Variants in GRIP1 observed in about 807,000 individuals in gnomAD.
GRIP1 encodes the protein glutamate receptor-interacting protein 1.
In GRIP1, 45 loss-of-function variants were observed where a neutral mutation model predicts 129.9. That is an observed-to-expected ratio of 0.35 (90% CI 0.27 to 0.44). The LOEUF is 0.44. GRIP1 is among the 20% of genes least tolerant of loss of function. The pLI is 1.00. For missense variants in GRIP1, 1,196 were observed against 1,396.8 expected (o/e 0.86, Z 2.29); for synonymous variants, 530 against 520.8 (o/e 1.02, Z -0.24).
intron 1 of GRIP1, among the ~76,000 whole-genome samples, chr12:66,958,287 A>C (rs1224263242): frequency 6.6e-6 from 1 of 152,046 alleles, no homozygotes; most frequent in Non-Finnish European, 1.5e-5. Context: ...GTACAGGCAA[A>C]CACCACCACA....
At chr12:66,573,524 G>A (rs2139524665) in intron 2 of GRIP1, among the ~76,000 whole-genome samples, 1 of 152,206 alleles carries the variant, frequency 6.6e-6, no homozygotes, top group Non-Finnish European at 1.5e-5. Context: ...TCACACAATG[G>A]GAAAACTGAA....
intron 1 of GRIP1, among the ~76,000 whole-genome samples, chr12:66,860,713 T>C (rs2040096608): frequency 6.6e-6 from 1 of 152,024 alleles, no homozygotes; most frequent in Admixed American, 6.6e-5. Context: ...CATCTCAAAC[T>C]TTAATGTGAC....
At chr12:66,990,164 C>A (rs888114967) in intron 1 of GRIP1, among the ~76,000 whole-genome samples, 1 of 152,142 alleles carries the variant, frequency 6.6e-6, no homozygotes, top group Non-Finnish European at 1.5e-5. Context: ...TTCTGATGAT[C>A]AGGCAAAGGT....
At chr12:66,618,764 T>C (rs927672546) in intron 1 of GRIP1, among the ~76,000 whole-genome samples, 1 of 152,158 alleles carries the variant, frequency 6.6e-6, no homozygotes, top group African/African-American at 2.4e-5. Flanking sequence ...GAACTTTCCT[T>C]CACTTCATAC....
At chr12:66,950,056 G>A (rs546681559) in intron 1 of GRIP1, among the ~76,000 whole-genome samples, 250 of 152,208 alleles carry the variant, frequency 1.6e-3, no homozygotes, top group Admixed American at 2.7e-3. Flanking sequence ...GATTATAGGC[G>A]TGAGCCACCA....
chr12:66,757,281 G>A (rs1196687454), intron 1 of GRIP1, among the ~76,000 whole-genome samples: 2 of 152,012 alleles, frequency 1.3e-5, no homozygotes, highest in Non-Finnish European at 2.9e-5. Flanking sequence ...CACCTCACGT[G>A]AGTTGGATTG....
Position 66,957,031 on chromosome 12 carries a change from T to C in GRIP1, c.58+112019A>G, listed in dbSNP as rs1338054729. 2.0e-5 allele frequency among the ~76,000 whole-genome samples: 3 copies of C among 152,020 alleles called. No individual in the cohort carries two copies. The East Asian group carries it at 5.8e-4, about 29-fold the overall frequency. ...ACCTGGTGCCAAGGGCTGAACTGTG[T>C]CCCCCACAAAATTCATATGTTGAAA... On this transcript the variant is annotated intron_variant, in intron 1 of 1. Coordinates refer to the GRIP1 transcript ENST00000643019.
chr12:66,956,482 T>C (rs2041843282), intron 1 of GRIP1, among the ~76,000 whole-genome samples: 1 of 152,208 alleles, frequency 6.6e-6, no homozygotes, highest in Non-Finnish European at 1.5e-5. Context: ...GTACGGTTCC[T>C]CCGTTTCTCT....
intron 1 of GRIP1, among the ~76,000 whole-genome samples, chr12:66,901,818 T>C (rs1763614702): frequency 6.6e-6 from 1 of 152,240 alleles, no homozygotes. Flanking sequence ...ATTTCCTTGT[T>C]ACCTTCTCAC....
chr12:66,784,170 T>C (rs1489843760), intron 1 of GRIP1, among the ~76,000 whole-genome samples: 1 of 152,068 alleles, frequency 6.6e-6, no homozygotes, highest in Non-Finnish European at 1.5e-5. Flanking sequence ...AAAAGTAAAA[T>C]AGGAGGATTG....
intron 1 of GRIP1, among the ~76,000 whole-genome samples, chr12:66,700,686 G>T (rs906407827): frequency 6.6e-6 from 1 of 152,114 alleles, no homozygotes; most frequent in Admixed American, 6.6e-5. Context: ...GGCTGGGGGG[G>T]AGAATATCAA....
intron 19 of GRIP1, among the ~76,000 whole-genome samples, chr12:66,387,693 C>T (rs947476200): frequency 6.6e-6 from 1 of 151,992 alleles, no homozygotes; most frequent in African/African-American, 2.4e-5. Flanking sequence ...CTCTATAAAA[C>T]AAGAGATCAA....
intron 1 of GRIP1, among the ~76,000 whole-genome samples, chr12:67,013,603 CTTG>C (rs779716184): frequency 1.3e-5 from 2 of 152,130 alleles, no homozygotes; most frequent in Non-Finnish European, 2.9e-5. Context: ...CTTTTGAACA[CTTG>C]TTGTTATTTT....
chr12:66,519,408 C>T (rs998885576), intron 5 of GRIP1, among the ~76,000 whole-genome samples: 1 of 152,180 alleles, frequency 6.6e-6, no homozygotes, highest in East Asian at 1.9e-4. Context: ...CATAATTTCT[C>T]TTTTGCAAGG....
intron 1 of GRIP1, among the ~76,000 whole-genome samples, chr12:66,676,745 C>T (rs1210962557): frequency 1.3e-5 from 2 of 151,850 alleles, no homozygotes; most frequent in Non-Finnish European, 2.9e-5. Context: ...AGTGTATATC[C>T]ACCCCTGTCC....
chr12:66,491,954 G>A (rs1049262488), intron 7 of GRIP1, among the ~76,000 whole-genome samples: 1 of 152,150 alleles, frequency 6.6e-6, no homozygotes, highest in African/African-American at 2.4e-5. Flanking sequence ...GTGATTCACA[G>A]GAAAAATGGA....
intron 15 of GRIP1, among the ~76,000 whole-genome samples, chr12:66,417,573 A>G (rs2057653308): frequency 6.6e-6 from 1 of 152,216 alleles, no homozygotes; most frequent in South Asian, 2.1e-4. Context: ...ATTAGAGCTG[A>G]TTAAAAAAAT....
At chr12:66,980,339 G>C (rs138591965) in intron 1 of GRIP1, among the ~76,000 whole-genome samples, 11 of 152,178 alleles carry the variant, frequency 7.2e-5, no homozygotes, top group Non-Finnish European at 1.2e-4. Context: ...GTGGCTAGGC[G>C]TGGTGGTTCA....
intron 7 of GRIP1, among the ~76,000 whole-genome samples, chr12:66,489,742 A>G (rs1291776483): frequency 6.6e-6 from 1 of 152,186 alleles, no homozygotes; most frequent in Non-Finnish European, 1.5e-5. Flanking sequence ...AAAGCTTCTT[A>G]AGCCTGACAA....
Sources: gnomAD v4.1 joint callset for allele counts (sites outside exome capture counted in the v4.1 genomes callset) on GRCh38, gnomAD v4.1.1 for gene constraint, MANE v1.5 for transcripts, NCBI Gene and HGNC (gene_info 2026-07-23, HGNC 2026-07-21) for gene names.